The following MECOM variants were observed in gnomAD, a reference collection of about 807,000 sequenced individuals.
MECOM encodes histone-lysine N-methyltransferase MECOM.
Under a neutral mutation model 116.3 loss-of-function variants are expected in MECOM, and 13 were observed. The observed-to-expected ratio is 0.11, with a 90% confidence interval of 0.07 to 0.18. The LOEUF is 0.18. MECOM is among the 10% of genes least tolerant of loss of function. MECOM has a pLI of 1.00. For synonymous variants in MECOM, 528 were observed against 535.2 expected (o/e 0.99, Z 0.19); for missense variants, 1,299 against 1,509.0 (o/e 0.86, Z 2.31).
chr3:169,377,296 G>A (rs1010193759), intron 2 of MECOM, among the ~76,000 whole-genome samples: 1 of 152,074 alleles, frequency 6.6e-6, no homozygotes, highest in Non-Finnish European at 1.5e-5. Flanking sequence ...AGCACCAAAA[G>A]CAATGGCAAC....
chr3:169,626,499 A>T (rs1771390907), intron 1 of MECOM, among the ~76,000 whole-genome samples: 1 of 151,922 alleles, frequency 6.6e-6, no homozygotes, highest in South Asian at 2.1e-4. Flanking sequence ...TCTCTCTCTC[A>T]CTCAACAAAA....
chr3:169,458,754 G>A (rs1746939644), intron 1 of MECOM, among the ~76,000 whole-genome samples: 3 of 152,166 alleles, frequency 2.0e-5, no homozygotes, highest in Admixed American at 2.0e-4. Context: ...GGGGGCCTCT[G>A]GTCCAAATGT....
At chr3:169,307,560 C>T (rs904387191) in intron 2 of MECOM, among the ~76,000 whole-genome samples, 1 of 151,954 alleles carries the variant, frequency 6.6e-6, no homozygotes, top group Non-Finnish European at 1.5e-5. Context: ...CAGGGCAAGG[C>T]CTCATCTCAA....
chr3:169,660,940 T>C (rs769817755), intron 1 of MECOM, among the ~76,000 whole-genome samples: 1 of 152,138 alleles, frequency 6.6e-6, no homozygotes, highest in Non-Finnish European at 1.5e-5. Context: ...AGTAAAAGTT[T>C]GTAAGAGTTG....
chr3:169,174,840 A>T (rs9865641), intron 2 of MECOM, among the ~76,000 whole-genome samples: 13,161 of 152,126 alleles, frequency 0.087, 642 homozygotes, highest in South Asian at 0.2. Context: ...CTACCACATT[A>T]CTCAAATGAC....
In MECOM at chr3:169,497,978, A is replaced by G. The variant is rs188456667; in HGVS notation, c.38-116454T>C. ...CATTGATAAATCAGCTGAAAAAACA[A>G]AAGTTAGTATTTTACACCTTCTCTT... is the stretch of plus-strand genomic sequence containing the variant. On this transcript the variant is annotated intron_variant, in intron 1 of 16. Coordinates refer to ENST00000651503, the MANE Select transcript of MECOM (RefSeq NM_004991.4). Among the ~76,000 whole-genome samples, 9 of 152,352 alleles carry G rather than the reference A, an allele frequency of 5.9e-5. No homozygotes were observed. The East Asian group carries it at 7.7e-4, about 13-fold the overall frequency.
At chr3:169,087,578 C>G (rs1718228857) in intron 16 of MECOM, among the ~76,000 whole-genome samples, 1 of 152,098 alleles carries the variant, frequency 6.6e-6, no homozygotes, top group Admixed American at 6.6e-5. Flanking sequence ...GTCTTAGCAG[C>G]TGAGTGAGAC....
At chr3:169,543,142 A>G (rs1305790970) in intron 1 of MECOM, among the ~76,000 whole-genome samples, 1 of 152,254 alleles carries the variant, frequency 6.6e-6, no homozygotes, top group Non-Finnish European at 1.5e-5. Context: ...GAGAGGAAAT[A>G]TCAAGAAACC....
chr3:169,219,894 C>A (rs752280212), intron 2 of MECOM, among the ~76,000 whole-genome samples: 1 of 148,384 alleles, frequency 6.7e-6, no homozygotes, highest in Non-Finnish European at 1.5e-5. Context: ...ACCTAGGAAC[C>A]ATCTCATTAA....
At chr3:169,088,964 T>C (rs1461492767) in intron 16 of MECOM, 36 bp downstream of exon 16, 4 of 1,437,086 alleles carry the variant, frequency 2.8e-6, no homozygotes, top group African/African-American at 1.5e-5. Context: ...TCATGCATAA[T>C]GTAACCATGA....
At chr3:169,242,704 A>G (rs540673427) in intron 2 of MECOM, among the ~76,000 whole-genome samples, 1 of 152,266 alleles carries the variant, frequency 6.6e-6, no homozygotes, top group South Asian at 2.1e-4. Context: ...TGTATGGGCC[A>G]GTCAGCTGGG....
chr3:169,147,733 T>TGCGC, intron 2 of MECOM: 1 of 977,726 alleles, frequency 1.0e-6, no homozygotes, highest in Non-Finnish European at 1.2e-6. Context: ...TGTGTGTGTG[T>TGCGC]GCGCGCGAGT....
intron 1 of MECOM, among the ~76,000 whole-genome samples, chr3:169,593,314 C>T (rs749792652): frequency 4.6e-5 from 7 of 152,132 alleles, no homozygotes; most frequent in Non-Finnish European, 8.8e-5. Flanking sequence ...CAAGACTACA[C>T]TTGGTAGAAA....
intron 2 of MECOM, among the ~76,000 whole-genome samples, chr3:169,151,947 T>A (rs532721999): frequency 8.5e-5 from 13 of 152,342 alleles, no homozygotes; most frequent in African/African-American, 3.1e-4. Flanking sequence ...TAATGAAGCA[T>A]GACCTTTAGG....
At chr3:169,301,497 T>G (rs1716708524) in intron 2 of MECOM, among the ~76,000 whole-genome samples, 3 of 152,308 alleles carry the variant, frequency 2.0e-5, no homozygotes, top group Non-Finnish European at 4.4e-5. Flanking sequence ...GTCCTATGAT[T>G]TTACTTTTTC....
intron 2 of MECOM, among the ~76,000 whole-genome samples, chr3:169,253,077 T>C (rs1353575063): frequency 6.6e-6 from 1 of 152,176 alleles, no homozygotes; most frequent in Non-Finnish European, 1.5e-5. Context: ...TTTTTAAAAT[T>C]AGGAGTTCTT....
intron 1 of MECOM, among the ~76,000 whole-genome samples, chr3:169,463,526 G>C (rs1747798116): frequency 6.6e-6 from 1 of 152,116 alleles, no homozygotes; most frequent in African/African-American, 2.4e-5. Context: ...TCTGCCTCCA[G>C]ATAGATGAGC....
At chr3:169,519,825 C>T (rs751745818) in intron 1 of MECOM, among the ~76,000 whole-genome samples, 8 of 152,256 alleles carry the variant, frequency 5.3e-5, no homozygotes, top group Non-Finnish European at 1.0e-4. Context: ...CTGGCAACAA[C>T]AGCCATTTTC....
At chr3:169,263,142 T>TA (rs1757809587) in intron 2 of MECOM, among the ~76,000 whole-genome samples, 3 of 123,728 alleles carry the variant, frequency 2.4e-5, no homozygotes, top group Non-Finnish European at 5.0e-5. Context: ...TTTTTTTTTT[T>TA]TTTTGAGACA....
Sources: allele counts gnomAD v4.1 joint callset (sites outside exome capture counted in the v4.1 genomes callset), GRCh38; gene constraint gnomAD v4.1.1; transcripts MANE v1.5; gene names NCBI Gene and HGNC (gene_info 2026-07-23, HGNC 2026-07-21).